Variants in CD44 observed in about 807,000 individuals in gnomAD.
CD44 encodes CD44 antigen.
In CD44, 49 loss-of-function variants were observed where a neutral mutation model predicts 88.8. The ratio of observed to expected loss-of-function variants is 0.55; its 90% CI spans 0.44 to 0.70. The LOEUF is 0.70. Ranked by LOEUF, CD44 falls within the 30% of genes least tolerant of loss-of-function variation. CD44 has a pLI of 0.00. For missense variants in CD44, 883 were observed against 913.8 expected, an observed-to-expected ratio of 0.97 and a Z score of 0.43; for synonymous variants, 325 against 312.3, an observed-to-expected ratio of 1.04 and a Z score of -0.43.
chr11:35,226,888 T>TG (rs1554981045), intron 17 of CD44, among the ~76,000 whole-genome samples: 1 of 127,776 alleles, frequency 7.8e-6, no homozygotes, highest in East Asian at 2.2e-4. Flanking sequence ...TCCTTTTTTT[T>TG]TTTTTTTTTT....
At chr11:35,222,144 T>A (rs1391504076) in intron 17 of CD44, among the ~76,000 whole-genome samples, 2 of 152,220 alleles carry the variant, frequency 1.3e-5, no homozygotes, top group African/African-American at 4.8e-5. Context: ...ATTCATTGAT[T>A]TGTTAAATAT....
intron 15 of CD44, among the ~76,000 whole-genome samples, chr11:35,217,988 A>T (rs78573965): frequency 6.6e-6 from 1 of 152,048 alleles, no homozygotes; most frequent in Admixed American, 6.5e-5. Context: ...GGATCTCCCT[A>T]TGTTTCCCAG....
chr11:35,192,657 T>C (rs1208802048), intron 5 of CD44, among the ~76,000 whole-genome samples: 1 of 152,210 alleles, frequency 6.6e-6, no homozygotes, highest in Non-Finnish European at 1.5e-5. Context: ...CTGTTTATCT[T>C]GAGTGTCATC....
At chr11:35,208,063 G>A (rs1948052375) in intron 11 of CD44, 42 bp from the exon 12 acceptor site, 1 of 1,226,306 alleles carries the variant, frequency 8.2e-7, no homozygotes, top group Non-Finnish European at 1.2e-6. Context: ...TCAGGTAGTG[G>A]TTTGGGAAAT....
intron 1 of CD44, among the ~76,000 whole-genome samples, chr11:35,160,754 A>C (rs1261257554): frequency 2.0e-5 from 3 of 152,206 alleles, no homozygotes; most frequent in Non-Finnish European, 4.4e-5. Flanking sequence ...TCTTCCCACT[A>C]AACCAAGTTA....
intron 12 of CD44, among the ~76,000 whole-genome samples, chr11:35,209,558 T>C (rs1213379700): frequency 6.6e-6 from 1 of 152,148 alleles, no homozygotes; most frequent in Non-Finnish European, 1.5e-5. Flanking sequence ...TGCCGTCACA[T>C]TTCTTGACAC....
chr11:35,149,341 TAA>T, intron 1 of CD44, among the ~76,000 whole-genome samples: 1 of 152,316 alleles, frequency 6.6e-6, no homozygotes, highest in African/African-American at 2.4e-5. Flanking sequence ...CTGGCTTTGA[TAA>T]GAGTCATTTA....
At chr11:35,179,631 T>A (rs1320603812) in intron 2 of CD44, among the ~76,000 whole-genome samples, 1 of 152,212 alleles carries the variant, frequency 6.6e-6, no homozygotes, top group Non-Finnish European at 1.5e-5. Context: ...ATTGTAATGA[T>A]GGTTAATTTA....
intron 15 of CD44, among the ~76,000 whole-genome samples, chr11:35,216,418 A>G (rs1218974023): frequency 6.6e-6 from 1 of 152,224 alleles, no homozygotes. Context: ...GAGGCTCACC[A>G]TCAGATTTAA....
chr11:35,219,298 T>C lies in CD44; in HGVS notation c.1874-18T>C, dbSNP rs1340945325. ...CACATTTCAAACTTTGGTTGAGAGA[T>C]GTTGTTTTTCCCCTTAGGACACTCA... On this transcript the variant is annotated intron_variant, in intron 15 of 17. Transcript: ENST00000428726. 1.9e-6 allele frequency: 3 copies of C among 1,606,546 alleles called. No homozygotes were observed. In the African/African-American group the frequency reaches 4.0e-5, roughly 21 times the overall value.
At chr11:35,165,102 G>A (rs1352934898) in intron 1 of CD44, among the ~76,000 whole-genome samples, 2 of 152,178 alleles carry the variant, frequency 1.3e-5, no homozygotes, top group African/African-American at 4.8e-5. Flanking sequence ...ATGAGCATCT[G>A]GTAGATTGAG....
intron 1 of CD44, among the ~76,000 whole-genome samples, chr11:35,156,645 A>C (rs552121454): frequency 6.6e-6 from 1 of 152,262 alleles, no homozygotes; most frequent in East Asian, 1.9e-4. Context: ...TCCTTTGGGG[A>C]CAGCACAGGA....
chr11:35,179,649 T>G (rs1286069236), intron 2 of CD44, among the ~76,000 whole-genome samples: 2 of 152,188 alleles, frequency 1.3e-5, no homozygotes, highest in Non-Finnish European at 2.9e-5. Flanking sequence ...TTATTCCCAC[T>G]GGCAATAGAA....
intron 2 of CD44, among the ~76,000 whole-genome samples, chr11:35,178,626 T>C (rs1053976040): frequency 6.6e-6 from 1 of 152,126 alleles, no homozygotes; most frequent in African/African-American, 2.4e-5. Context: ...ATATAAACTT[T>C]AATATCCCCA....
chr11:35,219,824 T>C (rs999575636), intron 16 of CD44, among the ~76,000 whole-genome samples: 1 of 152,136 alleles, frequency 6.6e-6, no homozygotes, highest in East Asian at 1.9e-4. Context: ...GAGGCATTTA[T>C]GTTAGATGGA....
chr11:35,207,993 T>G, intron 11 of CD44, 112 bp from the exon 12 acceptor site: 1 of 674,314 alleles, frequency 1.5e-6, no homozygotes. Context: ...GTATGTGCTT[T>G]CTTTCCTCTT....
chr11:35,172,221 T>C (rs1388606105), intron 1 of CD44, among the ~76,000 whole-genome samples: 1 of 152,190 alleles, frequency 6.6e-6, no homozygotes, highest in African/African-American at 2.4e-5. Context: ...AGCTATTCCT[T>C]TGATTGTGCT....
At chr11:35,139,671 T>C in intron 1 of CD44, 3 of 652,534 alleles carry the variant, frequency 4.6e-6, no homozygotes, top group South Asian at 4.3e-5. Context: ...AAGTAACCGT[T>C]CTCCCGGATG....
intron 5 of CD44, 151 bp from the exon 6 acceptor site, chr11:35,196,595 G>T: frequency 1.3e-6 from 1 of 766,800 alleles, no homozygotes; most frequent in South Asian, 2.2e-5. Flanking sequence ...GAAAAAAATG[G>T]AACTTTTTTG....
Sources: allele counts gnomAD v4.1 joint callset (sites outside exome capture counted in the v4.1 genomes callset), GRCh38; gene constraint gnomAD v4.1.1; transcripts MANE v1.5; gene names NCBI Gene and HGNC (gene_info 2026-07-23, HGNC 2026-07-21).